Variants in HIBADH observed in about 807,000 individuals in gnomAD.
The protein encoded by HIBADH is 3-hydroxyisobutyrate dehydrogenase, mitochondrial.
A neutral mutation model predicts 36.1 loss-of-function variants in HIBADH; 25 were observed. The ratio of observed to expected loss-of-function variants is 0.69; its 90% CI spans 0.50 to 0.97. The LOEUF (loss-of-function observed/expected upper bound fraction) is 0.97, where lower values mean the gene tolerates loss of function less well. Ranked by LOEUF, HIBADH falls within the 50% of genes least tolerant of loss-of-function variation. HIBADH has a pLI of 0.00. For synonymous variants in HIBADH, 160 were observed against 149.5 expected, an observed-to-expected ratio of 1.07 and a Z score of -0.51; for missense variants, 421 against 418.0, an observed-to-expected ratio of 1.01 and a Z score of -0.06.
In HIBADH at chr7:27,540,701, C is replaced by T. The variant is rs922635326; in HGVS notation, c.618+2266G>A. On this transcript the variant is annotated intron_variant, in intron 5 of 7. Coordinates refer to ENST00000265395, the MANE Select transcript of HIBADH (RefSeq NM_152740.4). ...CCATGTGTAATGAGCCTTAAAGGTC[C>T]TTATGATCCCCTACTCTAGAGGCTG... 3.5e-4 allele frequency among the ~76,000 whole-genome samples: 53 copies of T among 152,156 alleles called. 2 individuals carry two copies.
At chr7:27,645,851 C>T (rs1203160644) in intron 2 of HIBADH, among the ~76,000 whole-genome samples, 1 of 152,182 alleles carries the variant, frequency 6.6e-6, no homozygotes, top group African/African-American at 2.4e-5. Context: ...ATTCTAGATA[C>T]AAATTCCTTA....
Position 27,609,119 on chromosome 7 carries a change from T to G in HIBADH, c.484+20252A>C, listed in dbSNP as rs76019200. Reference sequence around the variant, plus strand: ...CAATAATAGTAATTATTACTAACAATAAATAATGAGAGCAATAATAAAAAA... The same window carrying G: ...CAATAATAGTAATTATTACTAACAAGAAATAATGAGAGCAATAATAAAAAA... On this transcript the variant is annotated intron_variant, in intron 4 of 7. Coordinates refer to ENST00000265395, the MANE Select transcript of HIBADH (RefSeq NM_152740.4). Among the ~76,000 whole-genome samples the G allele has an allele frequency of 6.8e-3, 1,040 of 152,310 alleles. 13 individuals are homozygous for G. Among genetic ancestry groups the G allele is most frequent in the African/African-American group, 0.023 (954 of 41,556 alleles).
At chr7:27,528,785 T>G (rs972486235) in intron 7 of HIBADH, among the ~76,000 whole-genome samples, 9 of 152,222 alleles carry the variant, frequency 5.9e-5, no homozygotes, top group African/African-American at 2.2e-4. Context: ...GTAGCCACAC[T>G]AAACAACAGA....
chr7:27,651,005 A>G (rs2391454), intron 1 of HIBADH, among the ~76,000 whole-genome samples: 120,449 of 152,098 alleles, frequency 0.79, 48,067 homozygotes, highest in East Asian at 0.97. Context: ...AGTGAGGGAA[A>G]AGAGAGAAGT....
intron 4 of HIBADH, among the ~76,000 whole-genome samples, chr7:27,606,743 TA>T (rs1785235295): frequency 6.6e-6 from 1 of 152,252 alleles, no homozygotes. Flanking sequence ...GAGTCTCTAC[TA>T]AAAGTGATGT....
chr7:27,658,092 G>A (rs1161989245), intron 1 of HIBADH, among the ~76,000 whole-genome samples: 1 of 151,768 alleles, frequency 6.6e-6, no homozygotes, highest in Admixed American at 6.5e-5. Context: ...CTGTATCTGG[G>A]GAAAGAAAGC....
chr7:27,604,216 C>T (rs1407842287), intron 4 of HIBADH, among the ~76,000 whole-genome samples: 2 of 151,910 alleles, frequency 1.3e-5, no homozygotes, highest in Non-Finnish European at 2.9e-5. Context: ...TTTTAGATTT[C>T]TGGAATTTCA....
chr7:27,527,176 T>C lies in HIBADH; in HGVS notation c.853-804A>G, dbSNP rs567627983. Among the ~76,000 whole-genome samples, 14 of 152,104 alleles carry C rather than the reference T, an allele frequency of 9.2e-5. No individual in the cohort carries two copies. In the East Asian group the frequency reaches 1.9e-3, roughly 21 times the overall value. On this transcript the variant is annotated intron_variant, in intron 7 of 7. Coordinates refer to ENST00000265395, the MANE Select transcript of HIBADH (RefSeq NM_152740.4). The stretch of plus-strand genomic sequence containing the variant: ...GGGATGGGAAAGAAAATCAGTCTGG[T>C]TGAGGCAAGCAAAAGCCAAGGCATC...
rs575992069 is a variant in HIBADH, at chr7:27,654,906, C to T, written c.92-5273G>A. Among the ~76,000 whole-genome samples the T allele has an allele frequency of 6.6e-5, 10 of 152,156 alleles. No homozygotes were observed. In the East Asian group the frequency reaches 1.4e-3, roughly 21 times the overall value. On this transcript the variant is annotated intron_variant, in intron 1 of 7. Transcript: ENST00000265395. ...TTCATCATGTTGGCCAGACCAGTCTCGAACTCCTGAGCTCAAGCAATCAGT... is the reference window on the plus strand; with the variant it reads ...TTCATCATGTTGGCCAGACCAGTCTTGAACTCCTGAGCTCAAGCAATCAGT...
In HIBADH at chr7:27,545,596, A is replaced by C. The variant is rs377526891; in HGVS notation, c.485-2496T>G. ...TGTTTATGTCTATCAAAAATGAAGAAATTTATTACAATGACACGCCATTTT... is the reference window on the plus strand; with the variant it reads ...TGTTTATGTCTATCAAAAATGAAGACATTTATTACAATGACACGCCATTTT... On this transcript the variant is annotated intron_variant, in intron 4 of 7. Coordinates refer to ENST00000265395, the MANE Select transcript of HIBADH (RefSeq NM_152740.4). Among the ~76,000 whole-genome samples, 10 of 152,314 alleles carry C rather than the reference A, an allele frequency of 6.6e-5. No homozygotes were observed. The East Asian group carries it at 1.3e-3, about 21-fold the overall frequency.
intron 4 of HIBADH, among the ~76,000 whole-genome samples, chr7:27,546,460 G>T (rs768695822): frequency 2.0e-5 from 3 of 152,086 alleles, no homozygotes; most frequent in Non-Finnish European, 4.4e-5. Context: ...TTTTTAACTT[G>T]AATTTGTGAA....
At chr7:27,615,425 C>G (rs931583704) in intron 4 of HIBADH, among the ~76,000 whole-genome samples, 1 of 152,152 alleles carries the variant, frequency 6.6e-6, no homozygotes, top group Non-Finnish European at 1.5e-5. Context: ...TTAGTAAGGT[C>G]CTTTCTAATA....
intron 4 of HIBADH, among the ~76,000 whole-genome samples, chr7:27,601,061 A>C (rs888933250): frequency 6.6e-6 from 1 of 152,178 alleles, no homozygotes; most frequent in Non-Finnish European, 1.5e-5. Context: ...AAAATGTTAT[A>C]AACATCAGAT....
chr7:27,605,618 A>G (rs1785210837), intron 4 of HIBADH, among the ~76,000 whole-genome samples: 1 of 142,882 alleles, frequency 7.0e-6, no homozygotes. Flanking sequence ...AAAAAAAGCC[A>G]AATGTTAAAT....
chr7:27,580,478 T>C (rs769422290), intron 4 of HIBADH, among the ~76,000 whole-genome samples: 2 of 152,162 alleles, frequency 1.3e-5, no homozygotes, highest in Middle Eastern at 3.2e-3. Flanking sequence ...CAGGTGAGGA[T>C]AGTTACAGTA....
intron 4 of HIBADH, among the ~76,000 whole-genome samples, chr7:27,599,196 T>C (rs1275805899): frequency 6.6e-6 from 1 of 152,042 alleles, no homozygotes; most frequent in East Asian, 1.9e-4. Flanking sequence ...TCCGTCAGAG[T>C]TGTTATTTTG....
intron 4 of HIBADH, among the ~76,000 whole-genome samples, chr7:27,600,640 T>C (rs1162919054): frequency 1.3e-5 from 2 of 152,084 alleles, no homozygotes; most frequent in Non-Finnish European, 2.9e-5. Context: ...AGTAAGCATT[T>C]CTAGAAACAA....
At chr7:27,564,413 T>C (rs1303925464) in intron 4 of HIBADH, among the ~76,000 whole-genome samples, 1 of 152,188 alleles carries the variant, frequency 6.6e-6, no homozygotes, top group Non-Finnish European at 1.5e-5. Flanking sequence ...GAATTGTTTA[T>C]CATTTGTCGA....
At chr7:27,541,984 ATCTTTACATT>A (rs1784158002) in intron 5 of HIBADH, among the ~76,000 whole-genome samples, 2 of 152,222 alleles carry the variant, frequency 1.3e-5, no homozygotes, top group African/African-American at 2.4e-5. Flanking sequence ...GATTTAATGC[ATCTTTACATT>A]TCTTTACATT....
Sources: allele counts gnomAD v4.1 joint callset (sites outside exome capture counted in the v4.1 genomes callset), GRCh38; gene constraint gnomAD v4.1.1; transcripts MANE v1.5; gene names NCBI Gene and HGNC (gene_info 2026-07-23, HGNC 2026-07-21).